The following LNX2 variants were observed in gnomAD, a reference collection of about 807,000 sequenced individuals.
The protein encoded by LNX2 is ligand of Numb protein X 2.
A neutral mutation model predicts 66.2 loss-of-function variants in LNX2; 35 were observed. The observed-to-expected ratio is 0.53, with a 90% CI of 0.40 to 0.70. The LOEUF (loss-of-function observed/expected upper bound fraction) is 0.70. Among genes scored for constraint, LNX2 ranks in the 30% least tolerant of loss-of-function variants. LNX2 has a pLI of 0.00. For missense variants in LNX2, 791 were observed against 850.8 expected (o/e 0.93, Z 0.87); for synonymous variants, 337 against 315.6 (o/e 1.07, Z -0.72).
chr13:27,603,429 A>G, intron 1 of LNX2, among the ~76,000 whole-genome samples: 1 of 152,244 alleles, frequency 6.6e-6, no homozygotes, highest in African/African-American at 2.4e-5. Context: ...ATTCTGAATT[A>G]GCTTGTAAAA....
chr13:27,583,004 C>A (rs982506279), intron 1 of LNX2, among the ~76,000 whole-genome samples: 7 of 151,886 alleles, frequency 4.6e-5, no homozygotes, highest in African/African-American at 1.7e-4. Context: ...ATCTGCATAG[C>A]GTATATAAAT....
chr13:27,565,682 G>A (rs560983606), intron 4 of LNX2, among the ~76,000 whole-genome samples: 67 of 152,250 alleles, frequency 4.4e-4, no homozygotes, highest in East Asian at 1.7e-3. Flanking sequence ...TCCTGTATTC[G>A]TCTATTACAT....
At chr13:27,587,804 A>G (rs574938760) in intron 1 of LNX2, among the ~76,000 whole-genome samples, 68 of 152,112 alleles carry the variant, frequency 4.5e-4, no homozygotes, top group East Asian at 2.7e-3. Context: ...GGCAGATCAC[A>G]AGGTCAGGAG....
In LNX2 at chr13:27,548,338, T is replaced by A. The variant is rs148603061; in HGVS notation, c.2070A>T (p.Val690=). Residue 690 remains valine (V), a synonymous_variant, in exon 10 of 10, where the codon GTA becomes GTT. Transcript: ENST00000316334. ...ATTTGAAACCAATTTCCAAAATCTA[T>A]ACAAGGCTGCCAGGCCAACAAATAA... ...LTVICWPGSL[V] 1.5e-3 allele frequency: 2,377 copies of A among 1,608,144 alleles called. 7 individuals are homozygous for A. The highest frequency in any genetic ancestry group is 1.6e-3 in the Non-Finnish European group (1,895 of 1,178,314).
At position 27,583,903 on chromosome 13, in the gene LNX2, C is replaced by T. The variant is rs529313587; in HGVS notation, c.-100-2100G>A. ...TGGCATCTAACTCTGGCTTTGTGGC[C>T]GGAAATACTTTCAAAAGGGAAAAAA... is the stretch of plus-strand genomic sequence containing the variant. On this transcript the variant is annotated intron_variant, in intron 1 of 9. Coordinates refer to ENST00000316334, the MANE Select transcript of LNX2 (RefSeq NM_153371.4). Among the ~76,000 whole-genome samples, 11 of 151,664 alleles carry T rather than the reference C, an allele frequency of 7.3e-5. No individual in the cohort carries two copies. In the East Asian group the frequency reaches 1.2e-3, roughly 16 times the overall value.
intron 9 of LNX2, among the ~76,000 whole-genome samples, chr13:27,549,208 C>A (rs1954977963): frequency 6.6e-6 from 1 of 152,182 alleles, no homozygotes; most frequent in African/African-American, 2.4e-5. Flanking sequence ...GAGCATACCA[C>A]TCCCAATCAC....
chr13:27,573,750 T>A (rs1435003101), intron 2 of LNX2, among the ~76,000 whole-genome samples: 2 of 152,128 alleles, frequency 1.3e-5, no homozygotes. Context: ...GCAGAGACTT[T>A]ACAGAATTAG....
At chr13:27,609,038 T>C (rs833092) in intron 1 of LNX2, among the ~76,000 whole-genome samples, 89,393 of 151,962 alleles carry the variant, frequency 0.59, 26,827 homozygotes, top group South Asian at 0.66. Flanking sequence ...TGTAATTCAC[T>C]TGCCTCAGCC....
At chr13:27,580,447 A>G (rs1465983903) in intron 2 of LNX2, among the ~76,000 whole-genome samples, 1 of 152,146 alleles carries the variant, frequency 6.6e-6, no homozygotes, top group Non-Finnish European at 1.5e-5. Flanking sequence ...ATTACTGCAG[A>G]TTTATACTGT....
chr13:27,613,320 T>C (rs1031595275), intron 1 of LNX2, among the ~76,000 whole-genome samples: 7 of 151,790 alleles, frequency 4.6e-5, no homozygotes, highest in Non-Finnish European at 7.4e-5. Flanking sequence ...ACACTGTTGC[T>C]GTGAGGGGGA....
At chr13:27,563,550 G>T (rs1390082129) in intron 4 of LNX2, among the ~76,000 whole-genome samples, 1 of 152,126 alleles carries the variant, frequency 6.6e-6, no homozygotes, top group Non-Finnish European at 1.5e-5. Flanking sequence ...GTATGTAACA[G>T]CACTTAGAAA....
In LNX2 at chr13:27,548,025, CTT is replaced by C; in HGVS notation, c.*308_*309del. On this transcript the variant is annotated 3_prime_UTR_variant, in exon 10 of 10. Transcript: ENST00000316334. ...TGAAAACAAAGACCCACCAGAAGGT[CTT>C]TACTCCATCTGGGGCACAGTTTGGG... 1 of 316,062 alleles carries C rather than the reference CTT, an allele frequency of 3.2e-6. No individual in the cohort carries two copies. Among genetic ancestry groups the C allele is most frequent in the Non-Finnish European group, 5.9e-6 (1 of 170,060 alleles). 19.6% of individuals were successfully genotyped at this position (316,062 alleles called of 1,614,324 possible). A position where few individuals can be genotyped will look rare whatever the true frequency, so the allele number is the denominator to read the frequency against.
chr13:27,586,070 G>T (rs1008679167), intron 1 of LNX2, among the ~76,000 whole-genome samples: 2 of 138,512 alleles, frequency 1.4e-5, no homozygotes, highest in East Asian at 2.3e-4. Flanking sequence ...ATATAAGGCA[G>T]TACATATATC....
chr13:27,567,833 T>C lies in LNX2; in HGVS notation c.662A>G (p.Gln221Arg). 1.9e-6 allele frequency: 3 copies of C among 1,613,904 alleles called. No individual in the cohort carries two copies. Among genetic ancestry groups the C allele is most frequent in the Non-Finnish European group, 2.5e-6 (3 of 1,179,846 alleles). The change falls in exon 4 of 10, where the codon CAA becomes CGA. Residue 221 changes from glutamine to arginine, a missense_variant. Physicochemically the swap from Gln to Arg is conservative, Grantham distance 43. Transcript: ENST00000316334. ...TCCTTCTGGTAAACTAAGTGGCTGT[T>C]GTGTGGCTGCCAAGTTAAAAATGAG... ...FEESAGADTT[Q>R]QPLSLPEGEI...
At chr13:27,575,420 C>T (rs1292246692) in intron 2 of LNX2, among the ~76,000 whole-genome samples, 1 of 152,164 alleles carries the variant, frequency 6.6e-6, no homozygotes, top group African/African-American at 2.4e-5. Flanking sequence ...CAGTGGACTC[C>T]ATAAAGTATA....
chr13:27,595,930 C>A (rs1431494556), intron 1 of LNX2, among the ~76,000 whole-genome samples: 1 of 152,176 alleles, frequency 6.6e-6, no homozygotes, highest in Non-Finnish European at 1.5e-5. Context: ...TATTCAGATA[C>A]TCAAACTTAT....
chr13:27,597,175 T>C (rs1955607834), intron 1 of LNX2, among the ~76,000 whole-genome samples: 1 of 152,206 alleles, frequency 6.6e-6, no homozygotes, highest in Non-Finnish European at 1.5e-5. Context: ...ATTGAAACCA[T>C]ATCTTCCTAA....
intron 1 of LNX2, among the ~76,000 whole-genome samples, chr13:27,605,209 T>C (rs576430427): frequency 6.6e-6 from 1 of 152,218 alleles, no homozygotes; most frequent in Non-Finnish European, 1.5e-5. Flanking sequence ...AATGTAACTA[T>C]TCCTTTCTCT....
At chr13:27,601,089 G>T (rs79323765) in intron 1 of LNX2, among the ~76,000 whole-genome samples, 6,261 of 152,190 alleles carry the variant, frequency 0.041, 160 homozygotes, top group East Asian at 0.094. Context: ...TATTACTACA[G>T]GCTGGACATT....
Sources: gnomAD v4.1 joint callset for allele counts (sites outside exome capture counted in the v4.1 genomes callset) on GRCh38, gnomAD v4.1.1 for gene constraint, MANE v1.5 for transcripts, NCBI Gene and HGNC (gene_info 2026-07-23, HGNC 2026-07-21) for gene names.